Variants in ANKRD12 observed in about 807,000 individuals in gnomAD.
The protein encoded by ANKRD12 is ankyrin repeat domain 12.
A neutral mutation model predicts 183.4 loss-of-function variants in ANKRD12; 85 were observed. The ratio of observed to expected loss-of-function variants is 0.46; its 90% confidence interval spans 0.39 to 0.56. The LOEUF (loss-of-function observed/expected upper bound fraction) is 0.56, where lower values mean the gene tolerates loss of function less well. Ranked by LOEUF, ANKRD12 falls within the 20% of genes least tolerant of loss-of-function variation. The pLI, the probability that ANKRD12 is intolerant of heterozygous loss-of-function variation, is 0.00. For synonymous variants in ANKRD12, 914 were observed against 800.2 expected, an observed-to-expected ratio of 1.14 and a Z score of -2.40; for missense variants, 2,405 against 2,357.1, an observed-to-expected ratio of 1.02 and a Z score of -0.42.
At chr18:9,227,501 G>A (rs2036788392) in intron 8 of ANKRD12, among the ~76,000 whole-genome samples, 1 of 152,108 alleles carries the variant, frequency 6.6e-6, no homozygotes, top group African/African-American at 2.4e-5. Context: ...CAGATTTCAG[G>A]GAAGCTATCA....
At chr18:9,148,327 C>CTT (rs989595561) in intron 1 of ANKRD12, among the ~76,000 whole-genome samples, 2 of 151,034 alleles carry the variant, frequency 1.3e-5, no homozygotes, top group African/African-American at 4.9e-5. Flanking sequence ...TATATATACA[C>CTT]ACACACGTAT....
intron 10 of ANKRD12, among the ~76,000 whole-genome samples, chr18:9,271,399 C>T (rs1014556072): frequency 2.6e-5 from 4 of 152,016 alleles, no homozygotes; most frequent in East Asian, 1.9e-4. Context: ...GCGGCACACG[C>T]GTTTAGCAAC....
intron 8 of ANKRD12, among the ~76,000 whole-genome samples, chr18:9,224,969 G>T (rs1026514788): frequency 2.6e-5 from 4 of 152,230 alleles, no homozygotes; most frequent in East Asian, 1.9e-4. Context: ...GGGCATGGTG[G>T]CATGTGCCTG....
chr18:9,272,577 AAAG>A (rs1017687341), intron 10 of ANKRD12, among the ~76,000 whole-genome samples: 7 of 152,110 alleles, frequency 4.6e-5, no homozygotes, highest in Non-Finnish European at 5.9e-5. Context: ...AAAAAAGAAA[AAAG>A]AAAAAGTTAT....
chr18:9,190,869 A>T (rs1323430782), intron 2 of ANKRD12, among the ~76,000 whole-genome samples: 1 of 152,158 alleles, frequency 6.6e-6, no homozygotes, highest in Non-Finnish European at 1.5e-5. Context: ...GAAACCAAAA[A>T]ATTTGTGTGA....
chr18:9,201,058 G>A (rs777824785), intron 3 of ANKRD12, among the ~76,000 whole-genome samples: 6 of 152,142 alleles, frequency 3.9e-5, no homozygotes, highest in Non-Finnish European at 4.4e-5. Flanking sequence ...CATCTGATTA[G>A]TTAGCCTATT....
intron 1 of ANKRD12, among the ~76,000 whole-genome samples, chr18:9,157,583 G>GTATATATATATA (rs1184683418): frequency 1.7e-4 from 17 of 100,592 alleles, no homozygotes; most frequent in African/African-American, 8.5e-4. Context: ...GTGTGTGTGT[G>GTATATATATATA]TGTATATATA....
chr18:9,137,274 C>T (rs2078138681), intron 1 of ANKRD12, among the ~76,000 whole-genome samples: 1 of 146,926 alleles, frequency 6.8e-6, no homozygotes, highest in Non-Finnish European at 1.5e-5. Flanking sequence ...CAGGTGGGAG[C>T]CGCCAACTGG....
intron 1 of ANKRD12, among the ~76,000 whole-genome samples, chr18:9,179,250 G>A (rs2033522525): frequency 6.6e-6 from 1 of 152,038 alleles, no homozygotes; most frequent in Non-Finnish European, 1.5e-5. Context: ...CAAGTTGTAT[G>A]CCTTTTTTTT....
chr18:9,278,159 A>T (rs1304636728), intron 11 of ANKRD12, among the ~76,000 whole-genome samples: 1 of 152,186 alleles, frequency 6.6e-6, no homozygotes, highest in Non-Finnish European at 1.5e-5. Context: ...TGCTAAAAAC[A>T]TTTCTGCATT....
At chr18:9,188,643 T>G (rs2034258780) in intron 2 of ANKRD12, among the ~76,000 whole-genome samples, 1 of 152,264 alleles carries the variant, frequency 6.6e-6, no homozygotes, top group Non-Finnish European at 1.5e-5. Context: ...AACCCTGTGT[T>G]GAGCAAGTTC....
intron 8 of ANKRD12, among the ~76,000 whole-genome samples, chr18:9,240,901 T>C (rs6506647): frequency 0.11 from 16,895 of 152,220 alleles, 1,101 homozygotes; most frequent in African/African-American, 0.16. Context: ...CTCAGTGTTA[T>C]AACAGTAAAT....
intron 3 of ANKRD12, among the ~76,000 whole-genome samples, chr18:9,198,018 A>T (rs2034944815): frequency 6.6e-6 from 1 of 152,234 alleles, no homozygotes; most frequent in Non-Finnish European, 1.5e-5. Flanking sequence ...TTACGATTCA[A>T]GTGTCTTTTA....
chr18:9,191,129 C>T (rs1394949722), intron 2 of ANKRD12, among the ~76,000 whole-genome samples: 4 of 152,164 alleles, frequency 2.6e-5, no homozygotes, highest in South Asian at 4.2e-4. Context: ...TTCATTATTA[C>T]GTGTGATGGC....
intron 10 of ANKRD12, among the ~76,000 whole-genome samples, chr18:9,265,591 CAGAA>C (rs1033357316): frequency 2.0e-5 from 3 of 152,120 alleles, no homozygotes; most frequent in South Asian, 2.1e-4. Flanking sequence ...AACTAACAAA[CAGAA>C]AGGACATCCA....
intron 1 of ANKRD12, among the ~76,000 whole-genome samples, chr18:9,147,127 AGG>A (rs2078518679): frequency 6.6e-6 from 1 of 152,180 alleles, no homozygotes; most frequent in Non-Finnish European, 1.5e-5. Context: ...TTAGGATCTC[AGG>A]CTTATATTGC....
chr18:9,191,320 A>G (rs887925129), intron 2 of ANKRD12, among the ~76,000 whole-genome samples: 1 of 152,236 alleles, frequency 6.6e-6, no homozygotes, highest in Non-Finnish European at 1.5e-5. Context: ...TTTCTTTTGA[A>G]AGAAAAGAAA....
chr18:9,164,217 G>A (rs1048220504), intron 1 of ANKRD12, among the ~76,000 whole-genome samples: 1 of 152,136 alleles, frequency 6.6e-6, no homozygotes, highest in Non-Finnish European at 1.5e-5. Flanking sequence ...TTTATTGAGA[G>A]TTTTTAACAT....
chr18:9,255,758 A>G lies in ANKRD12; in HGVS notation c.2491A>G (p.Lys831Glu). 7 of 1,584,186 alleles carry G rather than the reference A, an allele frequency of 4.4e-6. No individual in the cohort carries two copies. Among genetic ancestry groups the G allele is most frequent in the Non-Finnish European group, 6.0e-6 (7 of 1,172,388 alleles). The change falls in exon 9 of 13, where the codon AAG becomes GAG. Residue 831 changes from lysine (K) to glutamate (E), a missense_variant. Physicochemically the swap from Lys to Glu is moderately conservative, Grantham distance 56. Coordinates refer to ENST00000262126, the MANE Select transcript of ANKRD12 (RefSeq NM_015208.5). ...KPEKRSQIKE[K>E]DIEKMERKTF... The stretch of plus-strand genomic sequence containing the variant: ...TGAGAAGCGATCTCAAATTAAAGAA[A>G]AGGACATTGAGAAGATGGAAAGAAA...
Sources: gnomAD v4.1 joint callset for allele counts (sites outside exome capture counted in the v4.1 genomes callset) on GRCh38, gnomAD v4.1.1 for gene constraint, MANE v1.5 for transcripts, NCBI Gene and HGNC (gene_info 2026-07-23, HGNC 2026-07-21) for gene names.